Variants in RBFOX1 observed in about 807,000 individuals in gnomAD.
The protein encoded by RBFOX1 is RNA binding fox-1 homolog 1, also known as RNA binding protein fox-1 homolog 1.
Under a neutral mutation model 57.7 loss-of-function variants are expected in RBFOX1, and 8 were observed. That is an observed-to-expected ratio of 0.14 (90% CI 0.08 to 0.25). The LOEUF is 0.25. RBFOX1 is among the 10% of genes least tolerant of loss of function. The pLI, the probability that RBFOX1 is intolerant of heterozygous loss-of-function variation, is 1.00. For synonymous variants in RBFOX1, 326 were observed against 222.4 expected (o/e 1.47, Z -4.15); for missense variants, 611 against 548.5 (o/e 1.11, Z -1.14).
chr16:6,917,000 C>A (rs1176055331), intron 3 of RBFOX1, among the ~76,000 whole-genome samples: 2 of 152,034 alleles, frequency 1.3e-5, no homozygotes, highest in Admixed American at 6.6e-5. Context: ...CACATGCATG[C>A]CATCACATCA....
At chr16:5,641,555 G>C (rs1400727423) in intron 3 of RBFOX1, among the ~76,000 whole-genome samples, 1 of 152,234 alleles carries the variant, frequency 6.6e-6, no homozygotes, top group African/African-American at 2.4e-5. Context: ...GCTCCTGAGT[G>C]AGGCTGCAGG....
intron 4 of RBFOX1, among the ~76,000 whole-genome samples, chr16:7,259,563 T>G: frequency 6.9e-6 from 1 of 144,800 alleles, no homozygotes; most frequent in East Asian, 2.0e-4. Flanking sequence ...ATCTCCAATG[T>G]AAAAAAAAAA....
At chr16:6,176,356 G>A (rs1197042830) in intron 1 of RBFOX1, among the ~76,000 whole-genome samples, 8 of 127,794 alleles carry the variant, frequency 6.3e-5, no homozygotes, top group East Asian at 2.2e-4. Context: ...ATGGGGTTTC[G>A]CCATGTTGGC....
chr16:5,687,383 T>G (rs901087031), intron 3 of RBFOX1, among the ~76,000 whole-genome samples: 5 of 152,068 alleles, frequency 3.3e-5, no homozygotes, highest in African/African-American at 1.2e-4. Flanking sequence ...GTAGCCAACT[T>G]TGGGCCCGTC....
rs538445072 is a variant in RBFOX1, at chr16:6,924,158, C to G, written c.-15-127899C>G. ...CACTCCAGCCTGGGTGACAGGAAGACTCTGTCTCAAAAATAATAATAATAA... is the reference window on the plus strand; with the variant it reads ...CACTCCAGCCTGGGTGACAGGAAGAGTCTGTCTCAAAAATAATAATAATAA... On this transcript the variant is annotated intron_variant, in intron 3 of 15. Coordinates refer to ENST00000550418, the MANE Select transcript of RBFOX1 (RefSeq NM_018723.4). Among the ~76,000 whole-genome samples, 10 of 134,684 alleles carry G rather than the reference C, an allele frequency of 7.4e-5. No individual in the cohort carries two copies. In the East Asian group the frequency reaches 1.5e-3, roughly 20 times the overall value. The allele number at this position is 134,684 out of a possible 152,430, so 88.4% of individuals were successfully genotyped here.
At chr16:7,052,651 T>C (rs1339507843) in intron 4 of RBFOX1, among the ~76,000 whole-genome samples, 2 of 152,222 alleles carry the variant, frequency 1.3e-5, no homozygotes, top group African/African-American at 4.8e-5. Context: ...ACTGTCTTGG[T>C]GCTCAGGCAT....
At chr16:7,471,385 T>C (rs560181622) in intron 4 of RBFOX1, among the ~76,000 whole-genome samples, 28 of 152,194 alleles carry the variant, frequency 1.8e-4, no homozygotes, top group Admixed American at 9.8e-4. Context: ...CATACACTTA[T>C]ACATTTTGGT....
intron 4 of RBFOX1, among the ~76,000 whole-genome samples, chr16:7,433,045 C>A (rs1159693697): frequency 2.0e-5 from 3 of 152,164 alleles, no homozygotes; most frequent in Non-Finnish European, 4.4e-5. Flanking sequence ...AAAATTCCCG[C>A]ATAATCTTGT....
Position 5,856,555 on chromosome 16 carries a change from G to GTA in RBFOX1, c.319-10747_319-10746insAT, listed in dbSNP as rs1158309873. Among the ~76,000 whole-genome samples, 77 of 58,102 alleles carry GTA rather than the reference G, an allele frequency of 1.3e-3. 1 individual carries two copies. Among genetic ancestry groups the GTA allele is most frequent in the Middle Eastern group, 7.7e-3 (1 of 130 alleles). 38.1% of individuals were successfully genotyped at this position (58,102 alleles called of 152,430 possible). A position where few individuals can be genotyped will look rare whatever the true frequency, so the allele number is the denominator to read the frequency against. ...TATGTGTATGTGTGTGTGTGTGTGT[G>GTA]TGTGTGTATGTGTGTGTGTGTATAT... On this transcript the variant is annotated intron_variant, in intron 3 of 19. Transcript: ENST00000641259.
chr16:7,373,606 T>C (rs999300415), intron 4 of RBFOX1, among the ~76,000 whole-genome samples: 1 of 152,174 alleles, frequency 6.6e-6, no homozygotes, highest in Non-Finnish European at 1.5e-5. Context: ...TCTATAATTG[T>C]CAGAAATGAC....
intron 2 of RBFOX1, among the ~76,000 whole-genome samples, chr16:6,457,437 G>GACCC (rs1240682051): frequency 5.5e-5 from 2 of 36,206 alleles, no homozygotes; most frequent in Non-Finnish European, 1.1e-4. Flanking sequence ...ATTTCCGGAA[G>GACCC]TCCCCCCCCC....
chr16:6,800,362 A>G (rs1031695375), intron 3 of RBFOX1, among the ~76,000 whole-genome samples: 2 of 152,154 alleles, frequency 1.3e-5, no homozygotes, highest in African/African-American at 2.4e-5. Context: ...TTTTCATGCA[A>G]TAAGTTAAGG....
intron 1 of RBFOX1, among the ~76,000 whole-genome samples, chr16:6,221,157 G>A (rs1226020442): frequency 6.6e-6 from 1 of 152,152 alleles, no homozygotes; most frequent in Non-Finnish European, 1.5e-5. Context: ...ATCTTGCACA[G>A]TACTTTACAT....
intron 2 of RBFOX1, among the ~76,000 whole-genome samples, chr16:6,568,563 G>A (rs1025876773): frequency 1.3e-5 from 2 of 152,118 alleles, no homozygotes; most frequent in Non-Finnish European, 2.9e-5. Flanking sequence ...TGTGGGAGGA[G>A]ATGGCACAAA....
At chr16:6,801,712 A>C (rs187994936) in intron 3 of RBFOX1, among the ~76,000 whole-genome samples, 18 of 152,224 alleles carry the variant, frequency 1.2e-4, no homozygotes, top group African/African-American at 4.1e-4. Flanking sequence ...GGTGCAGATG[A>C]ACTGGGGAGG....
At chr16:6,691,034 G>T (rs942691416) in intron 3 of RBFOX1, among the ~76,000 whole-genome samples, 1 of 152,066 alleles carries the variant, frequency 6.6e-6, no homozygotes, top group Non-Finnish European at 1.5e-5. Context: ...CAGTCATTTT[G>T]TTATTCATGT....
At chr16:6,395,644 T>A (rs1195270137) in intron 2 of RBFOX1, among the ~76,000 whole-genome samples, 1 of 152,188 alleles carries the variant, frequency 6.6e-6, no homozygotes, top group East Asian at 1.9e-4. Context: ...TCTTGGGAAA[T>A]AAATATTGTA....
At chr16:7,336,145 C>T (rs923595508) in intron 4 of RBFOX1, among the ~76,000 whole-genome samples, 1 of 152,172 alleles carries the variant, frequency 6.6e-6, no homozygotes, top group African/African-American at 2.4e-5. Context: ...AACACAGGAG[C>T]CTCAGTCACT....
chr16:6,298,104 A>G (rs2078350681), intron 1 of RBFOX1, among the ~76,000 whole-genome samples: 1 of 152,208 alleles, frequency 6.6e-6, no homozygotes, highest in African/African-American at 2.4e-5. Flanking sequence ...TGGCAAGGCT[A>G]AAAGAGCACA....
Sources: gnomAD v4.1 joint callset for allele counts (sites outside exome capture counted in the v4.1 genomes callset) on GRCh38, gnomAD v4.1.1 for gene constraint, MANE v1.5 for transcripts, NCBI Gene and HGNC (gene_info 2026-07-23, HGNC 2026-07-21) for gene names.